PLXDC2: variants seen among roughly 807,000 people sequenced by gnomAD.
PLXDC2 encodes plexin domain containing 2.
A neutral mutation model predicts 68.9 loss-of-function variants in PLXDC2; 40 were observed. That is an observed-to-expected ratio of 0.58 (90% CI 0.45 to 0.76). The LOEUF (loss-of-function observed/expected upper bound fraction) is 0.76, where lower values mean the gene tolerates loss of function less well. PLXDC2 is among the 30% of genes least tolerant of loss of function. The pLI is 0.00. For missense variants in PLXDC2, 644 were observed against 661.9 expected (o/e 0.97, Z 0.30); for synonymous variants, 243 against 234.2 (o/e 1.04, Z -0.34).
chr10:20,082,969 A>G (rs1367088685), intron 4 of PLXDC2, among the ~76,000 whole-genome samples: 2 of 152,126 alleles, frequency 1.3e-5, no homozygotes, highest in Non-Finnish European at 1.5e-5. Context: ...GTATGTATGT[A>G]TGTGTACAGA....
intron 1 of PLXDC2, among the ~76,000 whole-genome samples, chr10:19,885,706 G>C (rs200721857): frequency 0.065 from 9,935 of 151,792 alleles, 569 homozygotes; most frequent in Admixed American, 0.18. Flanking sequence ...CTGTTCCATT[G>C]ATCTATATCT....
At chr10:20,003,474 C>T (rs571682584) in intron 2 of PLXDC2, among the ~76,000 whole-genome samples, 1 of 152,164 alleles carries the variant, frequency 6.6e-6, no homozygotes, top group African/African-American at 2.4e-5. Flanking sequence ...GCTCTATCAT[C>T]CAGGCTGGAG....
rs534056732 is a variant in PLXDC2, at chr10:19,994,167, A to C, written c.113-7608A>C. Among the ~76,000 whole-genome samples, 268 of 152,012 alleles carry C rather than the reference A, an allele frequency of 1.8e-3. 1 individual carries two copies. Among genetic ancestry groups the C allele is most frequent in the African/African-American group, 5.8e-3 (239 of 41,486 alleles). On this transcript the variant is annotated intron_variant, in intron 1 of 13. Coordinates refer to ENST00000377252, the MANE Select transcript of PLXDC2 (RefSeq NM_032812.9). The stretch of plus-strand genomic sequence containing the variant: ...GAACTGCAATCATAAGTGTAGCTAA[A>C]CATTACCCAACTGTCCAGTGAGCTA...
At chr10:19,977,886 C>A (rs1177428499) in intron 1 of PLXDC2, among the ~76,000 whole-genome samples, 3 of 152,168 alleles carry the variant, frequency 2.0e-5, no homozygotes, top group Admixed American at 2.0e-4. Flanking sequence ...GGGGATTAGG[C>A]TTCAATATAT....
intron 1 of PLXDC2, among the ~76,000 whole-genome samples, chr10:19,824,581 C>T (rs1007719579): frequency 2.0e-5 from 3 of 152,198 alleles, no homozygotes; most frequent in African/African-American, 7.2e-5. Flanking sequence ...TCTTTCTTCA[C>T]TGAGTTCACA....
At chr10:19,918,318 G>A (rs996263971) in intron 1 of PLXDC2, among the ~76,000 whole-genome samples, 4 of 152,194 alleles carry the variant, frequency 2.6e-5, no homozygotes, top group Non-Finnish European at 4.4e-5. Flanking sequence ...AACCTGGGTT[G>A]CAGTAGTTGA....
At chr10:19,933,679 C>T (rs1319451950) in intron 1 of PLXDC2, among the ~76,000 whole-genome samples, 7 of 151,670 alleles carry the variant, frequency 4.6e-5, no homozygotes, top group East Asian at 1.9e-4. Context: ...CAAACACACA[C>T]GCGTGCACAC....
intron 12 of PLXDC2, among the ~76,000 whole-genome samples, chr10:20,234,773 A>C (rs1174476780): frequency 1.3e-5 from 2 of 151,032 alleles, no homozygotes; most frequent in African/African-American, 4.9e-5. Context: ...TATAATGCGC[A>C]TCAAACCACA....
chr10:20,145,117 AAAT>A (rs927082821), intron 5 of PLXDC2, among the ~76,000 whole-genome samples: 1 of 152,216 alleles, frequency 6.6e-6, no homozygotes, highest in Non-Finnish European at 1.5e-5. Flanking sequence ...GAATGAATAA[AAAT>A]AATTACATAC....
At chr10:20,152,980 T>C (rs1053947816) in intron 6 of PLXDC2, among the ~76,000 whole-genome samples, 11 of 152,172 alleles carry the variant, frequency 7.2e-5, no homozygotes, top group African/African-American at 2.7e-4. Context: ...TGAGCATCAG[T>C]TCTTATGAGA....
At chr10:19,878,181 A>C in intron 1 of PLXDC2, among the ~76,000 whole-genome samples, 1 of 9,862 alleles carries the variant, frequency 1.0e-4, no homozygotes, top group East Asian at 8.9e-4. Flanking sequence ...TGGGCATCAC[A>C]TATTTTTTTT....
chr10:20,034,648 T>A (rs1835549767), intron 2 of PLXDC2, among the ~76,000 whole-genome samples: 1 of 152,232 alleles, frequency 6.6e-6, no homozygotes, highest in Non-Finnish European at 1.5e-5. Context: ...GTTAATAGCA[T>A]AAGAATGTAG....
intron 13 of PLXDC2, among the ~76,000 whole-genome samples, chr10:20,265,709 G>A (rs1418480812): frequency 6.6e-6 from 1 of 152,120 alleles, no homozygotes; most frequent in Non-Finnish European, 1.5e-5. Flanking sequence ...AGAAGAGCAG[G>A]CTAACTACTT....
At chr10:20,086,825 C>T (rs1833205681) in intron 4 of PLXDC2, among the ~76,000 whole-genome samples, 1 of 152,022 alleles carries the variant, frequency 6.6e-6, no homozygotes, top group African/African-American at 2.4e-5. Flanking sequence ...CAGTTAACTT[C>T]AAAAAAGCAA....
chr10:20,029,885 C>T (rs918913863), intron 2 of PLXDC2, among the ~76,000 whole-genome samples: 2 of 152,140 alleles, frequency 1.3e-5, no homozygotes, highest in African/African-American at 4.8e-5. Context: ...ATTTACCCTC[C>T]ACATCAGCTA....
chr10:20,199,272 C>T (rs1424159115), intron 9 of PLXDC2, among the ~76,000 whole-genome samples: 1 of 151,918 alleles, frequency 6.6e-6, no homozygotes, highest in Admixed American at 6.6e-5. Flanking sequence ...AGGTTACTTA[C>T]TACATGCAAT....
chr10:20,234,373 G>T (rs1198263141), intron 12 of PLXDC2, among the ~76,000 whole-genome samples: 1 of 152,118 alleles, frequency 6.6e-6, no homozygotes, highest in Non-Finnish European at 1.5e-5. Context: ...AGGAGACTTG[G>T]TGCTGCGGTA....
intron 1 of PLXDC2, among the ~76,000 whole-genome samples, chr10:19,872,733 C>T (rs867168640): frequency 1.3e-5 from 2 of 151,918 alleles, no homozygotes; most frequent in African/African-American, 4.8e-5. Flanking sequence ...GGGCTTGGGT[C>T]GGCATCCATG....
At chr10:20,041,798 T>C (rs745603813) in intron 2 of PLXDC2, among the ~76,000 whole-genome samples, 3 of 152,126 alleles carry the variant, frequency 2.0e-5, no homozygotes, top group African/African-American at 7.2e-5. Context: ...GAGGGCTCCC[T>C]TTCTGGCTTA....
Sources: allele counts gnomAD v4.1 joint callset (sites outside exome capture counted in the v4.1 genomes callset), GRCh38; gene constraint gnomAD v4.1.1; transcripts MANE v1.5; gene names NCBI Gene and HGNC (gene_info 2026-07-23, HGNC 2026-07-21).